The following JAZF1 variants were observed in gnomAD, a reference collection of about 807,000 sequenced individuals.
JAZF1 encodes juxtaposed with another zinc finger protein 1.
A neutral mutation model predicts 26.4 loss-of-function variants in JAZF1; 8 were observed. The observed-to-expected ratio is 0.30, with a 90% CI of 0.18 to 0.55. The LOEUF (loss-of-function observed/expected upper bound fraction) is 0.55, where lower values mean the gene tolerates loss of function less well. Among genes scored for constraint, JAZF1 ranks in the 20% least tolerant of loss-of-function variants. The probability of loss-of-function intolerance (pLI) is 0.94; values close to 1 mark genes in which losing one functional copy is unlikely to be tolerated. For missense variants in JAZF1, 199 were observed against 322.0 expected (o/e 0.62, Z 2.92); for synonymous variants, 126 against 122.3 (o/e 1.03, Z -0.20).
At chr7:28,174,821 G>GTGTGTGTGTGTGTGTGTGTGTGT (rs1783524345) in intron 1 of JAZF1, among the ~76,000 whole-genome samples, 1 of 107,690 alleles carries the variant, frequency 9.3e-6, no homozygotes, top group African/African-American at 2.8e-5. Flanking sequence ...GGGGTGTGTG[G>GTGTGTGTGTGTGTGTGTGTGTGT]GTGTGTGTGT....
At chr7:27,932,854 C>T (rs545173719) in intron 2 of JAZF1, among the ~76,000 whole-genome samples, 2 of 152,248 alleles carry the variant, frequency 1.3e-5, no homozygotes, top group Non-Finnish European at 1.5e-5. Context: ...AGCCTTAAGG[C>T]TTACATACTT....
chr7:27,883,015 TCTCTTTAGCA>T (rs1392643564), intron 3 of JAZF1, among the ~76,000 whole-genome samples: 18 of 152,288 alleles, frequency 1.2e-4, no homozygotes, highest in African/African-American at 4.1e-4. Context: ...AATATGTTGC[TCTCTTTAGCA>T]CTCATATTTC....
chr7:27,991,881 G>C, intron 2 of JAZF1, 28 bp downstream of exon 2: 3 of 1,228,910 alleles, frequency 2.4e-6, no homozygotes, highest in Non-Finnish European at 3.5e-6. Context: ...ATATAAGGTT[G>C]TTATAATAAA....
chr7:28,070,856 C>T (rs1355887229), intron 1 of JAZF1, among the ~76,000 whole-genome samples: 2 of 152,176 alleles, frequency 1.3e-5, no homozygotes, highest in Admixed American at 6.5e-5. Flanking sequence ...ATCCAAAATC[C>T]CCTATTAAAG....
chr7:28,176,574 T>C lies in JAZF1; in HGVS notation c.115+3889A>G, dbSNP rs978453245. On this transcript the variant is annotated intron_variant, in intron 1 of 4. Transcript: ENST00000283928. ...ACCTCCCAACATACTGTGTATCACA[T>C]ACCTCAATTGTTTATTGTCTGGCCC... Among the ~76,000 whole-genome samples, 219 of 152,330 alleles carry C rather than the reference T, an allele frequency of 1.4e-3. 5 individuals carry two copies. Among genetic ancestry groups the C allele is most frequent in the Admixed American group, 0.014 (216 of 15,300 alleles).
At position 27,986,944 on chromosome 7, in the gene JAZF1, C is replaced by T. The variant is rs911765523; in HGVS notation, c.188+4965G>A. On this transcript the variant is annotated intron_variant, in intron 2 of 4. Transcript: ENST00000283928. ...GGTGCCAGGATTGCAGACGGAGTCT[C>T]GATCACTCAGTGCTCAATCTTGCCC... 1.1e-4 allele frequency among the ~76,000 whole-genome samples: 17 copies of T among 152,280 alleles called. No individual in the cohort carries two copies. The East Asian group carries it at 2.5e-3, about 23-fold the overall frequency.
At chr7:27,904,917 AAG>A (rs10581320) in intron 2 of JAZF1, among the ~76,000 whole-genome samples, 93,204 of 151,802 alleles carry the variant, frequency 0.61, 29,424 homozygotes, top group East Asian at 0.99. Context: ...TTACTGCATT[AAG>A]AGAGACGTTA....
chr7:27,849,000 A>C (rs956413085), intron 3 of JAZF1, among the ~76,000 whole-genome samples: 2 of 151,932 alleles, frequency 1.3e-5, no homozygotes. Flanking sequence ...TGTCTCCCCA[A>C]CTGATCAGAG....
In JAZF1 at chr7:27,895,483, TA is replaced by T. The variant is rs376788883; in HGVS notation, c.189-68del. 932 of 1,235,620 alleles carry T rather than the reference TA, an allele frequency of 7.5e-4. 8 individuals carry two copies. The African/African-American group carries it at 0.013, about 17-fold the overall frequency. The allele number at this position is 1,235,620 out of a possible 1,614,324, so 76.5% of individuals were successfully genotyped here. On this transcript the variant is annotated intron_variant, in intron 2 of 4. Coordinates refer to ENST00000283928, the MANE Select transcript of JAZF1 (RefSeq NM_175061.4). ...GAGCATGAGGACTGATGACATTTAT[TA>T]GAGTTTCAGACATGCACGACCCTGG...
intron 1 of JAZF1, among the ~76,000 whole-genome samples, chr7:28,046,131 T>C (rs1783492705): frequency 6.6e-6 from 1 of 152,234 alleles, no homozygotes; most frequent in African/African-American, 2.4e-5. Context: ...TGTATCTGTT[T>C]CTTATTCAGT....
chr7:28,136,926 C>T (rs991936395), intron 1 of JAZF1, among the ~76,000 whole-genome samples: 5 of 152,144 alleles, frequency 3.3e-5, no homozygotes, highest in African/African-American at 7.2e-5. Flanking sequence ...AGTGTTCACA[C>T]GGGAGGCTCG....
At chr7:27,940,434 C>T (rs2128352209) in intron 2 of JAZF1, among the ~76,000 whole-genome samples, 1 of 152,298 alleles carries the variant, frequency 6.6e-6, no homozygotes, top group Admixed American at 6.5e-5. Flanking sequence ...TATTCTACAG[C>T]CTGCATTTCC....
intron 3 of JAZF1, among the ~76,000 whole-genome samples, chr7:27,866,487 A>G (rs905127858): frequency 6.6e-6 from 1 of 152,206 alleles, no homozygotes; most frequent in Non-Finnish European, 1.5e-5. Context: ...TGGAAGTAAT[A>G]TTAGAGCTAA....
intron 1 of JAZF1, among the ~76,000 whole-genome samples, chr7:28,120,501 C>CTTTTTGTTTTTTTT (rs1782582535): frequency 3.4e-5 from 2 of 59,004 alleles, no homozygotes; most frequent in Non-Finnish European, 5.6e-5. Context: ...ACACACAGTT[C>CTTTTTGTTTTTTTT]TTTTTTTTTT....
intron 1 of JAZF1, among the ~76,000 whole-genome samples, chr7:28,096,668 C>G (rs1403702788): frequency 6.6e-6 from 1 of 152,102 alleles, no homozygotes; most frequent in Non-Finnish European, 1.5e-5. Context: ...CAATAAGAGA[C>G]TATTTTTTAA....
chr7:27,919,658 G>C (rs1175028492), intron 2 of JAZF1, among the ~76,000 whole-genome samples: 2 of 152,136 alleles, frequency 1.3e-5, no homozygotes, highest in Non-Finnish European at 1.5e-5. Context: ...ATACAAAAGA[G>C]GGGTGACTTA....
chr7:28,109,937 C>CTTCATTCT (rs1784615580), intron 1 of JAZF1, among the ~76,000 whole-genome samples: 2 of 152,082 alleles, frequency 1.3e-5, no homozygotes, highest in Non-Finnish European at 2.9e-5. Flanking sequence ...TAGTATCCAA[C>CTTCATTCT]GAGAAGTTGT....
At chr7:28,061,806 A>G (rs1449750151) in intron 1 of JAZF1, among the ~76,000 whole-genome samples, 6 of 152,258 alleles carry the variant, frequency 3.9e-5, no homozygotes, top group Admixed American at 3.9e-4. Context: ...GGCTTTAGTA[A>G]GACAAGTGGG....
At chr7:27,947,066 T>C (rs1784934010) in intron 2 of JAZF1, among the ~76,000 whole-genome samples, 2 of 152,258 alleles carry the variant, frequency 1.3e-5, no homozygotes, top group Admixed American at 6.5e-5. Context: ...CATTTTATAG[T>C]GGAATCACAA....
Sources: allele counts gnomAD v4.1 joint callset (sites outside exome capture counted in the v4.1 genomes callset), GRCh38; gene constraint gnomAD v4.1.1; transcripts MANE v1.5; gene names NCBI Gene and HGNC (gene_info 2026-07-23, HGNC 2026-07-21).